The following MID1 variants were observed in gnomAD, a reference collection of about 807,000 sequenced individuals.
MID1 encodes the protein E3 ubiquitin-protein ligase Midline-1.
A neutral mutation model predicts 40.4 loss-of-function variants in MID1; 7 were observed. That is an observed-to-expected ratio of 0.17 (90% CI 0.10 to 0.33). The LOEUF is 0.33. MID1 is among the 10% of genes least tolerant of loss of function. The probability of loss-of-function intolerance (pLI) is 1.00; values close to 1 mark genes in which losing one functional copy is unlikely to be tolerated. For synonymous variants in MID1, 229 were observed against 221.2 expected (o/e 1.04, Z -0.31); for missense variants, 367 against 558.5 (o/e 0.66, Z 3.46).
At chrX:10,643,796 A>C (rs1198495937) in intron 1 of MID1, among the ~76,000 whole-genome samples, 1 of 111,778 alleles carries the variant, frequency 8.9e-6, no homozygotes, top group Non-Finnish European at 1.9e-5. Flanking sequence ...AAAATGTGGC[A>C]CATATACACC....
intron 1 of MID1, 150 bp from the exon 2 acceptor site, chrX:10,567,753 G>A (rs1934610710): frequency 2.3e-6 from 1 of 432,902 alleles, no homozygotes; most frequent in Admixed American, 4.0e-5. Context: ...CTATTCACTG[G>A]GGAAAAAAGG....
At chrX:10,702,142 A>T (rs189040981) in intron 1 of MID1, among the ~76,000 whole-genome samples, 27 of 112,778 alleles carry the variant, frequency 2.4e-4, no homozygotes, top group African/African-American at 8.4e-4. Flanking sequence ...AACTGTACCA[A>T]CTTGCCAAGA....
intron 1 of MID1, among the ~76,000 whole-genome samples, chrX:10,590,154 G>C (rs1360972713): frequency 9.0e-6 from 1 of 111,312 alleles, no homozygotes; most frequent in Non-Finnish European, 1.9e-5. Context: ...CAGTTGCTAG[G>C]TCAGGGGTGG....
At chrX:10,461,221 C>A (rs1488844103) in intron 7 of MID1, among the ~76,000 whole-genome samples, 6 of 101,663 alleles carry the variant, frequency 5.9e-5, no homozygotes, top group Non-Finnish European at 1.2e-4. Flanking sequence ...CTCTAACCTG[C>A]AAACATTTTC....
At chrX:10,744,652 C>T (rs761118735) in intron 1 of MID1, among the ~76,000 whole-genome samples, 2 of 111,372 alleles carry the variant, frequency 1.8e-5, no homozygotes, top group Admixed American at 1.9e-4. Flanking sequence ...ACTCCTTAAG[C>T]CTTGGAGTCC....
chrX:10,751,057 G>A (rs2043594924), intron 1 of MID1, among the ~76,000 whole-genome samples: 1 of 110,480 alleles, frequency 9.1e-6, no homozygotes, highest in Non-Finnish European at 1.9e-5. Flanking sequence ...TTGGGGTCAG[G>A]AGTTCGAAAC....
intron 1 of MID1, among the ~76,000 whole-genome samples, chrX:10,599,568 T>C (rs1346821001): frequency 8.9e-6 from 1 of 112,274 alleles, no homozygotes; most frequent in Non-Finnish European, 1.9e-5. Flanking sequence ...AATGTGAAAC[T>C]TTCCCAGTAT....
At chrX:10,580,933 TAAAAAAAAAAAAA>T (rs757426965) in intron 1 of MID1, among the ~76,000 whole-genome samples, 1,555 of 58,507 alleles carry the variant, frequency 0.027, 24 homozygotes, top group African/African-American at 0.077. Context: ...TGGTGTCCTG[TAAAAAAAAAAAAA>T]AAAAAAAAAA....
intron 1 of MID1, among the ~76,000 whole-genome samples, chrX:10,803,510 G>A (rs954466052): frequency 4.6e-5 from 5 of 109,469 alleles, no homozygotes; most frequent in Admixed American, 9.8e-5. Flanking sequence ...GCACCACCAC[G>A]CCCGGCTAAT....
chrX:10,689,318 G>A (rs1401687351), intron 1 of MID1, among the ~76,000 whole-genome samples: 1 of 111,073 alleles, frequency 9.0e-6, no homozygotes, highest in Middle Eastern at 4.3e-3. Context: ...ATCACATGTT[G>A]GAGCAGGAGA....
At position 10,765,907 on chromosome X, in the gene MID1, A is replaced by AAAAG. The variant is rs374336386; in HGVS notation, c.-187+67643_-187+67646dup. Among the ~76,000 whole-genome samples, 4 of 104,039 alleles carry AAAAG rather than the reference A, an allele frequency of 3.8e-5. No homozygotes were observed. The East Asian group carries it at 8.8e-4, about 23-fold the overall frequency. The allele number at this position is 104,039 out of a possible 115,157, so 90.3% of individuals were successfully genotyped here. A position where few individuals can be genotyped will look rare whatever the true frequency, so the allele number is the denominator to read the frequency against. ...AAGAAAGAAAGAAAAGAAAGAAAGAAAAAGAAAGAAAGAAAGAAAGGAAAG... is the reference window on the plus strand; with the variant it reads ...AAGAAAGAAAGAAAAGAAAGAAAGAAAAAGAAAGAAAGAAAGAAAGAAAGGAAAG... On this transcript the variant is annotated intron_variant, in intron 1 of 10. Transcript: ENST00000380785.
At chrX:10,533,327 G>GGAAAGAAAGAAAGAAAGAAAGAAA (rs35811442) in intron 2 of MID1, among the ~76,000 whole-genome samples, 2 of 47,799 alleles carry the variant, frequency 4.2e-5, no homozygotes, top group Admixed American at 3.2e-4. Context: ...AAGAAAGAAA[G>GGAAAGAAAGAAAGAAAGAAAGAAA]GAAAGAAAGA....
At chrX:10,716,747 T>C (rs1234286214) in intron 1 of MID1, among the ~76,000 whole-genome samples, 1 of 111,311 alleles carries the variant, frequency 9.0e-6, no homozygotes, top group East Asian at 2.8e-4. Flanking sequence ...AATTGTCAGA[T>C]TCACCAAAGT....
chrX:10,672,977 C>T (rs1022480089), intron 1 of MID1, among the ~76,000 whole-genome samples: 1 of 111,200 alleles, frequency 9.0e-6, no homozygotes, highest in Admixed American at 9.6e-5. Flanking sequence ...TGAGCCACTG[C>T]GCCTGGCCGT....
rs779138913 is a variant in MID1 at position 10,671,332 on chromosome X, T to A, written c.-186-50913A>T. ...TTCTCTCTCCTTACAAATTGCATGA[T>A]GTTGGGCAAATCACGTAAGGTCTCC... On this transcript the variant is annotated intron_variant, in intron 1 of 10. Transcript: ENST00000380785. 6.2e-5 allele frequency among the ~76,000 whole-genome samples: 7 copies of A among 112,326 alleles called. No individual in the cohort carries two copies. In the East Asian group the frequency reaches 2.0e-3, roughly 31 times the overall value.
chrX:10,528,646 T>C (rs1932882093), intron 2 of MID1, among the ~76,000 whole-genome samples: 1 of 112,039 alleles, frequency 8.9e-6, no homozygotes, highest in Non-Finnish European at 1.9e-5. Flanking sequence ...GACCCACAAC[T>C]GTTGTTTGCC....
At chrX:10,773,966 A>C (rs1429879526) in intron 1 of MID1, among the ~76,000 whole-genome samples, 1 of 112,225 alleles carries the variant, frequency 8.9e-6, no homozygotes, top group African/African-American at 3.2e-5. Flanking sequence ...CTTTGGGAAG[A>C]TCCATCTTGG....
At chrX:10,461,210 T>C (rs1929020194) in intron 7 of MID1, among the ~76,000 whole-genome samples, 1 of 106,768 alleles carries the variant, frequency 9.4e-6, no homozygotes, top group Non-Finnish European at 1.9e-5. Flanking sequence ...TTTTTTTTTT[T>C]CTCTAACCTG....
intron 1 of MID1, among the ~76,000 whole-genome samples, chrX:10,796,413 G>GTTT (rs60292194): frequency 0.13 from 10,920 of 86,465 alleles, 1,696 homozygotes; most frequent in African/African-American, 0.4. Context: ...AGAAAATTCA[G>GTTT]TTTTTTTTTT....
Sources: gnomAD v4.1 joint callset for allele counts (sites outside exome capture counted in the v4.1 genomes callset) on GRCh38, gnomAD v4.1.1 for gene constraint, MANE v1.5 for transcripts, NCBI Gene and HGNC (gene_info 2026-07-23, HGNC 2026-07-21) for gene names.